FHOD3: variants seen among roughly 807,000 people sequenced by gnomAD.
The protein encoded by FHOD3 is FH1/FH2 domain-containing protein 3.
In FHOD3, 90 loss-of-function variants were observed where a neutral mutation model predicts 173.0. That is an observed-to-expected ratio of 0.52 (90% CI 0.44 to 0.62). The LOEUF (loss-of-function observed/expected upper bound fraction) is 0.62, where lower values mean the gene tolerates loss of function less well. Ranked by LOEUF, FHOD3 falls within the 20% of genes least tolerant of loss-of-function variation. The pLI, the probability that FHOD3 is intolerant of heterozygous loss-of-function variation, is 0.00. For synonymous variants in FHOD3, 828 were observed against 823.0 expected, an observed-to-expected ratio of 1.01 and a Z score of -0.10; for missense variants, 1,945 against 2,034.7, an observed-to-expected ratio of 0.96 and a Z score of 0.85.
intron 3 of FHOD3, among the ~76,000 whole-genome samples, chr18:36,448,813 G>A (rs1444424342): frequency 6.6e-6 from 1 of 152,284 alleles, no homozygotes; most frequent in South Asian, 2.1e-4. Flanking sequence ...TCTTGCGGTT[G>A]AGAAATTTGT....
At chr18:36,520,685 C>CA (rs1157418515) in intron 5 of FHOD3, among the ~76,000 whole-genome samples, 1 of 152,206 alleles carries the variant, frequency 6.6e-6, no homozygotes, top group Admixed American at 6.5e-5. Context: ...ATTGTTGTCT[C>CA]AGTCTTGGCC....
intron 1 of FHOD3, among the ~76,000 whole-genome samples, chr18:36,349,682 A>G (rs945434875): frequency 6.6e-5 from 10 of 152,202 alleles, no homozygotes; most frequent in Admixed American, 1.3e-4. Context: ...ATGCTAGTTC[A>G]CTGGACTAAG....
intron 5 of FHOD3, among the ~76,000 whole-genome samples, chr18:36,532,504 G>A (rs2056828405): frequency 6.6e-6 from 1 of 152,168 alleles, no homozygotes; most frequent in South Asian, 2.1e-4. Flanking sequence ...TGGTACTTGT[G>A]CTCAGCCTGG....
At chr18:36,492,759 C>CA (rs2054535385) in intron 3 of FHOD3, among the ~76,000 whole-genome samples, 1 of 152,186 alleles carries the variant, frequency 6.6e-6, no homozygotes, top group Admixed American at 6.5e-5. Flanking sequence ...GGGGGTACCT[C>CA]AAGCCTCCAC....
At chr18:36,616,165 T>G (rs1176012008) in intron 9 of FHOD3, among the ~76,000 whole-genome samples, 1 of 152,184 alleles carries the variant, frequency 6.6e-6, no homozygotes, top group Non-Finnish European at 1.5e-5. Context: ...AGAGTTGGTT[T>G]AAATAAAGGT....
At chr18:36,452,156 A>AT (rs2051893541) in intron 3 of FHOD3, among the ~76,000 whole-genome samples, 3 of 152,038 alleles carry the variant, frequency 2.0e-5, no homozygotes, top group South Asian at 4.2e-4. Flanking sequence ...GCGTCTTGGC[A>AT]TTTTTTTGGT....
intron 10 of FHOD3, among the ~76,000 whole-genome samples, chr18:36,627,786 T>C (rs79205171): frequency 2.0e-5 from 3 of 152,064 alleles, no homozygotes; most frequent in Admixed American, 2.0e-4. Context: ...GAAATGCTGA[T>C]TGGGAAATGA....
chr18:36,324,902 A>G (rs1322420966), intron 1 of FHOD3, among the ~76,000 whole-genome samples: 1 of 152,242 alleles, frequency 6.6e-6, no homozygotes, highest in Non-Finnish European at 1.5e-5. Context: ...AGTCTGTGTG[A>G]TAGCAAAAAA....
intron 1 of FHOD3, among the ~76,000 whole-genome samples, chr18:36,334,627 G>A (rs774074736): frequency 6.6e-6 from 1 of 152,196 alleles, no homozygotes. Flanking sequence ...ATCTTGATTC[G>A]GTGATCAGAA....
intron 25 of FHOD3, 47 bp downstream of exon 25, chr18:36,755,358 A>G (rs1307238443): frequency 1.5e-6 from 2 of 1,307,690 alleles, no homozygotes; most frequent in African/African-American, 1.5e-5. Context: ...TTTTCAAAGT[A>G]AGATCAGTCA....
chr18:36,669,838 TTTCTAA>T (rs1460913742), intron 14 of FHOD3, among the ~76,000 whole-genome samples: 19 of 152,134 alleles, frequency 1.2e-4, no homozygotes, highest in African/African-American at 4.3e-4. Context: ...GTCATTATCT[TTTCTAA>T]TTCTTTTTTA....
intron 16 of FHOD3, among the ~76,000 whole-genome samples, chr18:36,689,222 A>G (rs1218112815): frequency 6.6e-6 from 1 of 152,244 alleles, no homozygotes; most frequent in Non-Finnish European, 1.5e-5. Context: ...ATTTCCAAGT[A>G]TAATGGAATT....
intron 16 of FHOD3, among the ~76,000 whole-genome samples, chr18:36,689,964 G>A (rs1248695117): frequency 6.6e-6 from 1 of 152,180 alleles, no homozygotes; most frequent in Non-Finnish European, 1.5e-5. Context: ...TTTCCAAATA[G>A]AAGTGTGGCA....
chr18:36,589,402 A>T (rs114008420), intron 6 of FHOD3, among the ~76,000 whole-genome samples: 145 of 152,280 alleles, frequency 9.5e-4, no homozygotes, highest in African/African-American at 3.1e-3. Context: ...CAGCCCAAAG[A>T]AAGTGAGGTT....
At chr18:36,720,699 TCTC>T (rs952658443) in intron 19 of FHOD3, among the ~76,000 whole-genome samples, 4 of 40,262 alleles carry the variant, frequency 9.9e-5, no homozygotes, top group South Asian at 1.8e-3. Context: ...TCCCCCTCCT[TCTC>T]CTCCTCCTCC....
intron 5 of FHOD3, among the ~76,000 whole-genome samples, chr18:36,523,636 A>G (rs930048356): frequency 5.3e-5 from 8 of 152,220 alleles, no homozygotes; most frequent in Admixed American, 3.3e-4. Flanking sequence ...GTGTGGCAGT[A>G]AGGTTTCCAA....
At chr18:36,621,151 A>G (rs1283679165) in intron 9 of FHOD3, among the ~76,000 whole-genome samples, 3 of 152,220 alleles carry the variant, frequency 2.0e-5, no homozygotes, top group African/African-American at 7.2e-5. Flanking sequence ...AGAAAAGAAA[A>G]TATTTTGTCA....
chr18:36,472,013 G>A (rs979489027), intron 3 of FHOD3, among the ~76,000 whole-genome samples: 2 of 152,066 alleles, frequency 1.3e-5, no homozygotes, highest in Non-Finnish European at 2.9e-5. Flanking sequence ...TGGCTGAGAG[G>A]ATAAAATCCT....
At chr18:36,426,106 A>G (rs1292852301) in intron 3 of FHOD3, among the ~76,000 whole-genome samples, 1 of 151,750 alleles carries the variant, frequency 6.6e-6, no homozygotes, top group Non-Finnish European at 1.5e-5. Context: ...GGGTTTCACC[A>G]TGTTAGCCAG....
Sources: gnomAD v4.1 joint callset for allele counts (sites outside exome capture counted in the v4.1 genomes callset) on GRCh38, gnomAD v4.1.1 for gene constraint, MANE v1.5 for transcripts, NCBI Gene and HGNC (gene_info 2026-07-23, HGNC 2026-07-21) for gene names.